The following OTUD7A variants were observed in gnomAD, a reference collection of about 807,000 sequenced individuals.
OTUD7A encodes OTU domain-containing protein 7A.
In OTUD7A, 12 loss-of-function variants were observed where a neutral mutation model predicts 65.7. That is an observed-to-expected ratio of 0.18 (90% CI 0.12 to 0.30). The LOEUF is 0.30. Ranked by LOEUF, OTUD7A falls within the 10% of genes least tolerant of loss-of-function variation. OTUD7A has a pLI of 1.00. For missense variants in OTUD7A, 1,148 were observed against 1,304.8 expected (o/e 0.88, Z 1.85); for synonymous variants, 641 against 586.3 (o/e 1.09, Z -1.35).
At chr15:31,821,019 A>T (rs2140972343) in intron 1 of OTUD7A, among the ~76,000 whole-genome samples, 1 of 151,700 alleles carries the variant, frequency 6.6e-6, no homozygotes, top group East Asian at 1.9e-4. Context: ...TGGTTTGCCT[A>T]TTCTGGGCAT....
At chr15:31,669,465 A>G (rs1284783128) in intron 1 of OTUD7A, among the ~76,000 whole-genome samples, 1 of 152,196 alleles carries the variant, frequency 6.6e-6, no homozygotes, top group Admixed American at 6.5e-5. Flanking sequence ...CCCAGCTGCC[A>G]TGCAGTCCGA....
chr15:31,678,268 C>A (rs1892636949), intron 1 of OTUD7A, among the ~76,000 whole-genome samples: 1 of 152,068 alleles, frequency 6.6e-6, no homozygotes. Flanking sequence ...GGAAGCAGAG[C>A]ATAAAAGTTC....
chr15:31,664,294 T>TGTAGAAGTTC (rs752364714), intron 1 of OTUD7A, among the ~76,000 whole-genome samples: 1 of 87,596 alleles, frequency 1.1e-5, no homozygotes, highest in African/African-American at 8.3e-5. Context: ...CACCAGAACA[T>TGTAGAAGTTC]TCCCTGTTCA....
At chr15:31,680,591 G>A (rs1892689998) in intron 1 of OTUD7A, among the ~76,000 whole-genome samples, 1 of 152,084 alleles carries the variant, frequency 6.6e-6, no homozygotes, top group Non-Finnish European at 1.5e-5. Flanking sequence ...TCAGGACCCG[G>A]GAGGGAAGGA....
At chr15:31,737,329 A>C (rs1339629444) in intron 1 of OTUD7A, among the ~76,000 whole-genome samples, 1 of 152,042 alleles carries the variant, frequency 6.6e-6, no homozygotes, top group East Asian at 1.9e-4. Context: ...CCCCACAAAA[A>C]CTCCAGCAAA....
At position 31,779,824 on chromosome 15, in the gene OTUD7A, G is replaced by T. The variant is rs367748511; in HGVS notation, c.-100+90683C>A. Reference sequence around the variant, plus strand: ...GTACCATGCACCAAGGAAGGCCTTGGTCCTCCTGGATCTGTTGTCGGTAAG... The same window carrying T: ...GTACCATGCACCAAGGAAGGCCTTGTTCCTCCTGGATCTGTTGTCGGTAAG... On this transcript the variant is annotated intron_variant, in intron 1 of 12. Coordinates refer to ENST00000307050, the MANE Select transcript of OTUD7A (RefSeq NM_001382637.1). Among the ~76,000 whole-genome samples the T allele has an allele frequency of 7.1e-4, 108 of 152,196 alleles. 1 individual carries two copies. In the South Asian group the frequency reaches 0.021, roughly 30 times the overall value.
chr15:31,508,805 C>T (rs2041624657), intron 8 of OTUD7A, among the ~76,000 whole-genome samples: 1 of 152,264 alleles, frequency 6.6e-6, no homozygotes, highest in Non-Finnish European at 1.5e-5. Context: ...CCCATGGTGA[C>T]GTCTTCTGCT....
At chr15:31,863,541 C>T (rs991367818) in intron 1 of OTUD7A, among the ~76,000 whole-genome samples, 5 of 152,190 alleles carry the variant, frequency 3.3e-5, no homozygotes, top group African/African-American at 1.2e-4. Context: ...TTGAGGCTTC[C>T]ACCCTCTGAA....
At chr15:31,599,687 C>A (rs962555422) in intron 3 of OTUD7A, among the ~76,000 whole-genome samples, 1 of 152,072 alleles carries the variant, frequency 6.6e-6, no homozygotes, top group African/African-American at 2.4e-5. Flanking sequence ...TAATAACAAA[C>A]CCCTCTGAGC....
intron 3 of OTUD7A, among the ~76,000 whole-genome samples, chr15:31,577,748 C>T (rs769788197): frequency 1.3e-5 from 2 of 150,996 alleles, no homozygotes; most frequent in African/African-American, 4.9e-5. Context: ...ATCAACAATA[C>T]TATGTTCCTA....
intron 1 of OTUD7A, among the ~76,000 whole-genome samples, chr15:31,759,821 C>A (rs796375694): frequency 1.3e-5 from 2 of 152,238 alleles, no homozygotes; most frequent in East Asian, 1.9e-4. Context: ...GCCACCACAC[C>A]CGGCCAGAGT....
intron 1 of OTUD7A, among the ~76,000 whole-genome samples, chr15:31,794,486 G>A (rs748178364): frequency 1.1e-4 from 12 of 109,440 alleles, no homozygotes; most frequent in Admixed American, 2.9e-4. Flanking sequence ...TAAGTACCAA[G>A]CATCAAAGGT....
In OTUD7A at chr15:31,480,173, A is replaced by AG. The variant is rs2141053868; in HGVS notation, c.*3120_*3121insC. 6.6e-6 allele frequency: 1 copy of AG among 152,300 alleles called. No homozygotes were observed. The highest frequency in any genetic ancestry group is 2.1e-4 in the South Asian group (1 of 4,826). 9.4% of individuals were successfully genotyped at this position (152,300 alleles called of 1,614,324 possible). ...CATGTTCTGAAAATAATACAAAAATAATTTTTATAGTACAGTTTAAACTTG... is the reference window on the plus strand; with the variant it reads ...CATGTTCTGAAAATAATACAAAAATAGATTTTTATAGTACAGTTTAAACTTG... On this transcript the variant is annotated 3_prime_UTR_variant, in exon 13 of 13. Transcript: ENST00000307050.
At chr15:31,583,034 C>A (rs1225393535) in intron 3 of OTUD7A, among the ~76,000 whole-genome samples, 1 of 150,164 alleles carries the variant, frequency 6.7e-6, no homozygotes, top group Non-Finnish European at 1.5e-5. Context: ...GTGAGAAAAG[C>A]AGTATGCTGG....
chr15:31,718,524 T>A (rs1199334540), intron 1 of OTUD7A, among the ~76,000 whole-genome samples: 1 of 151,384 alleles, frequency 6.6e-6, no homozygotes, highest in African/African-American at 2.4e-5. Context: ...CTATAATTAG[T>A]AGTTTGAGGC....
At chr15:31,662,742 T>C (rs1483466995) in intron 1 of OTUD7A, among the ~76,000 whole-genome samples, 2 of 152,228 alleles carry the variant, frequency 1.3e-5, no homozygotes. Context: ...TATGTTTGTT[T>C]TAAAAACAAA....
intron 1 of OTUD7A, among the ~76,000 whole-genome samples, chr15:31,754,975 A>G (rs1308468463): frequency 6.6e-6 from 1 of 152,080 alleles, no homozygotes; most frequent in Admixed American, 6.5e-5. Context: ...TGGCTGGCAC[A>G]GAAGGAAGAC....
intron 1 of OTUD7A, among the ~76,000 whole-genome samples, chr15:31,690,653 G>A (rs1479342279): frequency 6.6e-6 from 1 of 152,118 alleles, no homozygotes; most frequent in Non-Finnish European, 1.5e-5. Flanking sequence ...AATGGCCAAA[G>A]GTTTTCCACA....
In OTUD7A at chr15:31,699,098, G is replaced by T. The variant is rs1230278597; in HGVS notation, c.-99-42021C>A. Among the ~76,000 whole-genome samples, 327 of 92,876 alleles carry T rather than the reference G, an allele frequency of 3.5e-3. 4 individuals carry two copies. Among genetic ancestry groups the T allele is most frequent in the African/African-American group, 7.4e-3 (187 of 25,260 alleles). 60.9% of individuals were successfully genotyped at this position (92,876 alleles called of 152,430 possible). On this transcript the variant is annotated intron_variant, in intron 1 of 12. Transcript: ENST00000307050. ...GATTAATACTTTTTTTTTTTTTTTTGAGATGGAGTCTCGCTTTGCCACCCA... is the reference window on the plus strand; with the variant it reads ...GATTAATACTTTTTTTTTTTTTTTTTAGATGGAGTCTCGCTTTGCCACCCA...
Sources: gnomAD v4.1 joint callset for allele counts (sites outside exome capture counted in the v4.1 genomes callset) on GRCh38, gnomAD v4.1.1 for gene constraint, MANE v1.5 for transcripts, NCBI Gene and HGNC (gene_info 2026-07-23, HGNC 2026-07-21) for gene names.